The following OR5A1 variants were observed in gnomAD, a reference collection of about 807,000 sequenced individuals.
OR5A1 encodes the protein olfactory receptor 5A1.
In OR5A1, 6 loss-of-function variants were observed where a neutral mutation model predicts 6.7. That is an observed-to-expected ratio of 0.89 (90% CI 0.49 to 1.76). The LOEUF is 1.76. Ranked by LOEUF, OR5A1 falls within the 40% of genes most tolerant of loss-of-function variation. OR5A1 has a pLI of 0.01. For synonymous variants in OR5A1, 170 were observed against 155.0 expected, an observed-to-expected ratio of 1.10 and a Z score of -0.72; for missense variants, 378 against 381.7, an observed-to-expected ratio of 0.99 and a Z score of 0.08.
chr11:59,439,609 G>T (rs1180629459), intron 1 of OR5A1, among the ~76,000 whole-genome samples: 2 of 152,146 alleles, frequency 1.3e-5, no homozygotes, highest in African/African-American at 4.8e-5. Context: ...AAAATAAGCT[G>T]CAGGGCATCC....
intron 1 of OR5A1, among the ~76,000 whole-genome samples, chr11:59,438,163 C>T (rs1858443043): frequency 6.6e-6 from 1 of 152,112 alleles, no homozygotes; most frequent in South Asian, 2.1e-4. Context: ...TACTGTCTGC[C>T]GAACTGTGAG....
intron 1 of OR5A1, among the ~76,000 whole-genome samples, chr11:59,442,122 G>T (rs1858488677): frequency 6.6e-6 from 1 of 152,156 alleles, no homozygotes; most frequent in Non-Finnish European, 1.5e-5. Context: ...TTAAATCCAG[G>T]CAGTCTAGAT....
rs1590616100 is a variant in OR5A1 at position 59,449,879 on chromosome 11, A to G, written c.*5763A>G. 6.6e-6 allele frequency: 1 copy of G among 152,168 alleles called. No homozygotes were observed. Among genetic ancestry groups the G allele is most frequent in the African/African-American group, 2.4e-5 (1 of 41,444 alleles). 9.4% of individuals were successfully genotyped at this position (152,168 alleles called of 1,614,324 possible). A position where few individuals can be genotyped will look rare whatever the true frequency, so the allele number is the denominator to read the frequency against. ...CAAAAAGAATTATTGAATAACTGCT[A>G]TGTTCCAGGTAGGAGCTGGGGATAC... On this transcript the variant is annotated 3_prime_UTR_variant, in exon 2 of 2. Transcript: ENST00000641045.
In OR5A1 at chr11:59,443,570, C is replaced by G. The variant is rs1284677497; in HGVS notation, c.402C>G (p.Leu134=). 3 of 1,613,972 alleles carry G rather than the reference C, an allele frequency of 1.9e-6. No homozygotes were observed. In the Admixed American group the frequency reaches 5.0e-5, roughly 27 times the overall value. Residue 134 remains leucine, a synonymous_variant, in exon 2 of 2, where the codon CTC becomes CTG. Coordinates refer to ENST00000641045, the MANE Select transcript of OR5A1 (RefSeq NM_001004728.2). Reference sequence around the variant, plus strand: ...ATGCAGCCATCTCCAGCCCCCTTCTCTACCCCACTATCATGACCCAGGGCC... The same window carrying G: ...ATGCAGCCATCTCCAGCCCCCTTCTGTACCCCACTATCATGACCCAGGGCC... ...DRYAAISSPL[L]YPTIMTQGLC...
chr11:59,443,637 C>G lies in OR5A1; in HGVS notation c.469C>G (p.Leu157Val), dbSNP rs368382742. 6.2e-7 allele frequency: 1 copy of G among 1,614,142 alleles called. No individual in the cohort carries two copies. Among genetic ancestry groups the G allele is most frequent in the East Asian group, 2.2e-5 (1 of 44,876 alleles). Residue 157 changes from leucine to valine, a missense_variant, in exon 2 of 2, where the codon CTG (leucine) becomes GTG (valine). Coordinates refer to ENST00000641045, the MANE Select transcript of OR5A1 (RefSeq NM_001004728.2). The stretch of plus-strand genomic sequence containing the variant: ...GGTTGGGGCATATGTTGGTGGCTTC[C>G]TGAGCTCCCTGATCCAGGCCAGCTC... ...MVVGAYVGGF[L>V]SSLIQASSIF... is the part of the protein sequence containing the mutation.
In OR5A1 at chr11:59,449,314, G is replaced by A. The variant is rs1156304701; in HGVS notation, c.*5198G>A. Reference sequence around the variant, plus strand: ...ACTTTACCAATGCAAAGGTAGGTGAGGGCGTCCTGAAAATTTTGCACACCT... The same window carrying A: ...ACTTTACCAATGCAAAGGTAGGTGAAGGCGTCCTGAAAATTTTGCACACCT... On this transcript the variant is annotated 3_prime_UTR_variant, in exon 2 of 2. Transcript: ENST00000641045. 1.3e-5 allele frequency: 2 copies of A among 152,124 alleles called. No individual in the cohort carries two copies. Among genetic ancestry groups the A allele is most frequent in the Admixed American group, 1.3e-4 (2 of 15,250 alleles). The allele number at this position is 152,124 out of a possible 1,614,324, so 9.4% of individuals were successfully genotyped here.
At position 59,444,015 on chromosome 11, in the gene OR5A1, T is replaced by C; in HGVS notation, c.847T>C (p.Leu283=). 1 of 1,614,072 alleles carries C rather than the reference T, an allele frequency of 6.2e-7. No homozygotes were observed. Among genetic ancestry groups the C allele is most frequent in the Non-Finnish European group, 8.5e-7 (1 of 1,179,996 alleles). The change falls in exon 2 of 2, where the codon TTG becomes CTG. Residue 283 remains leucine, a synonymous_variant. Transcript: ENST00000641045. ...CAAGGTGGTGTCTGTTTTCTATTCA[T>C]TGGTGATCCCCATGCTGAACCCTCT... ...RDKVVSVFYS[L]VIPMLNPLIY...
At position 59,445,790 on chromosome 11, in the gene OR5A1, T is replaced by C. The variant is rs988020240; in HGVS notation, c.*1674T>C. The C allele has an allele frequency of 6.6e-6, 1 of 152,234 alleles. No homozygotes were observed. The highest frequency in any genetic ancestry group is 2.4e-5 in the African/African-American group (1 of 41,474). 9.4% of individuals were successfully genotyped at this position (152,234 alleles called of 1,614,324 possible). ...TGTTGAGCTTTTTTTCATATGTTTG[T>C]TGGCCATACAAATGTCTTCTTTTGA... On this transcript the variant is annotated 3_prime_UTR_variant, in exon 2 of 2. Transcript: ENST00000641045.
chr11:59,443,934 G>T lies in OR5A1; in HGVS notation c.766G>T (p.Gly256Trp). 6.2e-7 allele frequency: 1 copy of T among 1,614,034 alleles called. No homozygotes were observed. The highest frequency in any genetic ancestry group is 8.5e-7 in the Non-Finnish European group (1 of 1,179,988). The change falls in exon 2 of 2, where the codon GGG becomes TGG. Residue 256 changes from glycine to tryptophan, a missense_variant. Gly to Trp is a radical substitution (Grantham distance 184, BLOSUM62 -2). Coordinates refer to ENST00000641045, the MANE Select transcript of OR5A1 (RefSeq NM_001004728.2). ...TCTGATGGTGGTGACTCTGCTGTTT[G>T]GGACAGCCCTTTTCGTGTACTTGCG... ...SHLMVVTLLF[G>W]TALFVYLRPS...
In OR5A1 at chr11:59,444,317, C is replaced by CATAA; in HGVS notation, c.*202_*203insTAAA. The CATAA allele has an allele frequency of 6.8e-5, 4 of 59,154 alleles. No individual in the cohort carries two copies. The highest frequency in any genetic ancestry group is 0.013 in the Middle Eastern group (1 of 80). The allele number at this position is 59,154 out of a possible 1,614,324, so 3.7% of individuals were successfully genotyped here. Reference sequence around the variant, plus strand: ...TAGCCAAAAAGGGAAGGAATTTCTTCAGAAAAAAAAAAAAAAAAAAAAGAA... The same window carrying CATAA: ...TAGCCAAAAAGGGAAGGAATTTCTTCATAAAGAAAAAAAAAAAAAAAAAAAAGAA... On this transcript the variant is annotated 3_prime_UTR_variant, in exon 2 of 2. Coordinates refer to ENST00000641045, the MANE Select transcript of OR5A1 (RefSeq NM_001004728.2).
intron 1 of OR5A1, among the ~76,000 whole-genome samples, chr11:59,438,534 T>G (rs1858447379): frequency 6.6e-6 from 1 of 152,096 alleles, no homozygotes; most frequent in African/African-American, 2.4e-5. Context: ...ATAATCTGAG[T>G]GAGGCATTTA....
Position 59,444,131 on chromosome 11 carries a change from C to G in OR5A1, c.*15C>G. ...TGTTTTCTTAGGTCATGCGTAGAAA[C>G]TTATTTATCCAAACTGCTGGAGAAT... On this transcript the variant is annotated 3_prime_UTR_variant, in exon 2 of 2. Transcript: ENST00000641045. 1 of 1,538,292 alleles carries G rather than the reference C, an allele frequency of 6.5e-7. No homozygotes were observed. The highest frequency in any genetic ancestry group is 1.1e-5 in the South Asian group (1 of 88,660).
rs1421668733 is a variant in OR5A1, at chr11:59,445,934, T to C, written c.*1818T>C. On this transcript the variant is annotated 3_prime_UTR_variant, in exon 2 of 2. Coordinates refer to ENST00000641045, the MANE Select transcript of OR5A1 (RefSeq NM_001004728.2). ...ATTGCAAAAATTTTCTCCCATTCTG[T>C]AGGTTGTCTGTTCATTCTAATGATA... 1 of 152,206 alleles carries C rather than the reference T, an allele frequency of 6.6e-6. No individual in the cohort carries two copies. The highest frequency in any genetic ancestry group is 1.5e-5 in the Non-Finnish European group (1 of 68,032). The allele number at this position is 152,206 out of a possible 1,614,324, so 9.4% of individuals were successfully genotyped here. A position where few individuals can be genotyped will look rare whatever the true frequency, so the allele number is the denominator to read the frequency against.
Position 59,443,203 on chromosome 11 carries a change from T to G in OR5A1, c.35T>G (p.Val12Gly). 6.2e-7 allele frequency: 1 copy of G among 1,614,102 alleles called. No homozygotes were observed. The highest frequency in any genetic ancestry group is 8.5e-7 in the Non-Finnish European group (1 of 1,179,996). The change falls in exon 2 of 2, where the codon GTG becomes GGG. Residue 12 changes from valine (V) to glycine (G), a missense_variant. By Grantham distance (109) the Val-to-Gly change is moderately radical. Transcript: ENST00000641045. Reference sequence around the variant, plus strand: ...ACCAAAGCCTGGAACAGCTCATCAGTGACCATGTTCATCCTCCTGGGATTC... The same window carrying G: ...ACCAAAGCCTGGAACAGCTCATCAGGGACCATGTTCATCCTCCTGGGATTC... ...SITKAWNSSS[V>G]TMFILLGFTD...
rs1858605808 is a variant in OR5A1 at position 59,450,649 on chromosome 11, TA to T, written c.*6537del. 6.6e-6 allele frequency: 1 copy of T among 152,206 alleles called. No individual in the cohort carries two copies. Among genetic ancestry groups the T allele is most frequent in the Non-Finnish European group, 1.5e-5 (1 of 68,032 alleles). The allele number at this position is 152,206 out of a possible 1,614,324, so 9.4% of individuals were successfully genotyped here. On this transcript the variant is annotated 3_prime_UTR_variant, in exon 2 of 2. Transcript: ENST00000641045. ...AATTAGACACAACAGAACGTCTTTTTAAAATAAAAATGCCAAAATCCAATTA... is the reference window on the plus strand; with the variant it reads ...AATTAGACACAACAGAACGTCTTTTTAAATAAAAATGCCAAAATCCAATTA...
At chr11:59,439,650 T>G (rs551026586) in intron 1 of OR5A1, among the ~76,000 whole-genome samples, 12 of 152,292 alleles carry the variant, frequency 7.9e-5, no homozygotes, top group Admixed American at 2.6e-4. Context: ...ACATATGCTT[T>G]TCCTTTTGTT....
intron 1 of OR5A1, among the ~76,000 whole-genome samples, chr11:59,438,824 A>G (rs751602778): frequency 3.9e-5 from 6 of 152,188 alleles, no homozygotes; most frequent in African/African-American, 1.4e-4. Context: ...TTTTCTCACT[A>G]ATGCTATGAA....
In OR5A1 at chr11:59,447,191, A is replaced by G. The variant is rs986742393; in HGVS notation, c.*3075A>G. On this transcript the variant is annotated 3_prime_UTR_variant, in exon 2 of 2. Coordinates refer to ENST00000641045, the MANE Select transcript of OR5A1 (RefSeq NM_001004728.2). ...TAAACACTTTGTGACATTTCCCCCA[A>G]GTGGGCCCCTGATTAGGTTGAAGTG... 3.3e-5 allele frequency: 5 copies of G among 152,200 alleles called. No individual in the cohort carries two copies. The highest frequency in any genetic ancestry group is 7.3e-5 in the Non-Finnish European group (5 of 68,042). The allele number at this position is 152,200 out of a possible 1,614,324, so 9.4% of individuals were successfully genotyped here. A position where few individuals can be genotyped will look rare whatever the true frequency, so the allele number is the denominator to read the frequency against.
chr11:59,443,716 A>T lies in OR5A1; in HGVS notation c.548A>T (p.Asp183Val), dbSNP rs1232792280. ...GPNIINHFFCDLPPVLALSCS... is the reference protein window; with the variant it reads ...GPNIINHFFCVLPPVLALSCS... ...AACATCATCAACCACTTCTTCTGCG[A>T]CCTCCCACCAGTCCTGGCTCTGTCT... is the stretch of plus-strand genomic sequence containing the variant. Residue 183 changes from aspartate to valine, a missense_variant, in exon 2 of 2, where the codon GAC becomes GTC. Transcript: ENST00000641045. The T allele has an allele frequency of 1.2e-6, 2 of 1,612,892 alleles. No homozygotes were observed. The highest frequency in any genetic ancestry group is 3.3e-5 in the Admixed American group (2 of 59,874).
Sources: gnomAD v4.1 joint callset for allele counts (sites outside exome capture counted in the v4.1 genomes callset) on GRCh38, gnomAD v4.1.1 for gene constraint, MANE v1.5 for transcripts, NCBI Gene and HGNC (gene_info 2026-07-23, HGNC 2026-07-21) for gene names.